The following TMEM183A variants were observed in gnomAD, a reference collection of about 807,000 sequenced individuals.
TMEM183A encodes transmembrane protein 183A.
A neutral mutation model predicts 46.7 loss-of-function variants in TMEM183A; 21 were observed. The observed-to-expected ratio is 0.45, with a 90% CI of 0.32 to 0.65. The LOEUF is 0.65. Ranked by LOEUF, TMEM183A falls within the 30% of genes least tolerant of loss-of-function variation. The probability of loss-of-function intolerance (pLI) is 0.04; values close to 1 mark genes in which losing one functional copy is unlikely to be tolerated. For synonymous variants in TMEM183A, 165 were observed against 180.2 expected, an observed-to-expected ratio of 0.92 and a Z score of 0.68; for missense variants, 331 against 481.9, an observed-to-expected ratio of 0.69 and a Z score of 2.93.
At chr1:203,012,279 G>A (rs1176237164) in intron 3 of TMEM183A, among the ~76,000 whole-genome samples, 23 of 54,058 alleles carry the variant, frequency 4.3e-4, no homozygotes, top group Non-Finnish European at 6.7e-4. Context: ...ACACACACAC[G>A]GTTATTTTGA....
intron 7 of TMEM183A, 59 bp from the exon 8 acceptor site, chr1:203,022,796 T>C (rs1434581057): frequency 6.2e-7 from 1 of 1,609,182 alleles, no homozygotes; most frequent in African/African-American, 1.3e-5. Context: ...CATTTCAGAG[T>C]GAGCTCTTGG....
At chr1:203,017,608 C>A in intron 5 of TMEM183A, 1 of 344,442 alleles carries the variant, frequency 2.9e-6, no homozygotes, top group Non-Finnish European at 4.1e-6. Context: ...ATGGGGCCTG[C>A]AGTGGCAGAT....
At chr1:203,018,924 G>A (rs1657418586) in intron 6 of TMEM183A, among the ~76,000 whole-genome samples, 1 of 152,230 alleles carries the variant, frequency 6.6e-6, no homozygotes, top group African/African-American at 2.4e-5. Flanking sequence ...GGCCTCCCCA[G>A]TAGGTCACCT....
At chr1:203,021,027 CTTTTTTTTTT>C (rs869177251) in intron 7 of TMEM183A, 79 bp downstream of exon 7, 4 of 697,322 alleles carry the variant, frequency 5.7e-6, no homozygotes, top group Non-Finnish European at 5.5e-6. Context: ...AACCGCAGCT[CTTTTTTTTTT>C]TTTTTTTTTT....
chr1:203,018,288 A>G (rs1657354412), intron 5 of TMEM183A, among the ~76,000 whole-genome samples, 193 bp from the exon 6 acceptor site: 1 of 152,068 alleles, frequency 6.6e-6, no homozygotes, highest in Admixed American at 6.5e-5. Flanking sequence ...CAGCCCTGGG[A>G]TTGTCCGTTT....
intron 3 of TMEM183A, among the ~76,000 whole-genome samples, chr1:203,012,235 T>TCTCA (rs370305350): frequency 4.9e-5 from 4 of 80,836 alleles, no homozygotes; most frequent in South Asian, 4.9e-4. Flanking sequence ...CCCCACTCCA[T>TCTCA]CACACACACA....
intron 3 of TMEM183A, among the ~76,000 whole-genome samples, chr1:203,011,699 G>A (rs942887368): frequency 2.6e-5 from 4 of 152,050 alleles, no homozygotes; most frequent in East Asian, 1.9e-4. Flanking sequence ...GTGAGCCACC[G>A]CACCCGGCTA....
chr1:203,007,966 G>A, intron 2 of TMEM183A, 103 bp downstream of exon 2: 1 of 1,420,346 alleles, frequency 7.0e-7, no homozygotes. Flanking sequence ...CTGTAACCGT[G>A]TTTGCTTTCG....
intron 6 of TMEM183A, among the ~76,000 whole-genome samples, chr1:203,020,060 C>T (rs1657522036): frequency 6.6e-6 from 1 of 151,618 alleles, no homozygotes; most frequent in Non-Finnish European, 1.5e-5. Context: ...CTTGTCTCCT[C>T]TACTTAGTAT....
intron 7 of TMEM183A, 92 bp from the exon 8 acceptor site, chr1:203,022,763 G>A: frequency 1.3e-6 from 2 of 1,531,598 alleles, no homozygotes; most frequent in South Asian, 2.3e-5. Flanking sequence ...GGCCTAGCCA[G>A]TATAAATTAG....
chr1:203,013,473 A>T lies in TMEM183A; in HGVS notation c.368-1416A>T, dbSNP rs1656866604. 6.6e-6 allele frequency among the ~76,000 whole-genome samples: 1 copy of T among 152,118 alleles called. No individual in the cohort carries two copies. The highest frequency in any genetic ancestry group is 1.5e-5 in the Non-Finnish European group (1 of 68,022). On this transcript the variant is annotated intron_variant, in intron 3 of 7. Transcript: ENST00000367242. This position sits in a 1 kb window ranked among gnomAD's most constrained non-coding sequence, Gnocchi z 4.0. Reference sequence around the variant, plus strand: ...GAATTAATGCTAATGAGTTCTGGAGAATTAATGCTAATGAGTTCTGAAGAA... The same window carrying T: ...GAATTAATGCTAATGAGTTCTGGAGTATTAATGCTAATGAGTTCTGAAGAA...
intron 5 of TMEM183A, among the ~76,000 whole-genome samples, chr1:203,017,486 G>A (rs909337525): frequency 1.3e-5 from 2 of 152,132 alleles, no homozygotes; most frequent in African/African-American, 4.8e-5. Flanking sequence ...TTTTTTTAAA[G>A]TGGACTGTAA....
rs935607423 is a variant in TMEM183A at position 203,007,679 on chromosome 1, G to T, written c.110-95G>T. 1.4e-5 allele frequency: 21 copies of T among 1,554,918 alleles called. No homozygotes were observed. In the East Asian group the frequency reaches 4.9e-4, roughly 36 times the overall value. Reference sequence around the variant, plus strand: ...CTCGCGTGCCCGCGGCTGGAGGGCGGCTCGGTCCGGGGGCCTGCAGCGAGG... The same window carrying T: ...CTCGCGTGCCCGCGGCTGGAGGGCGTCTCGGTCCGGGGGCCTGCAGCGAGG... On this transcript the variant is annotated intron_variant, in intron 1 of 7. Coordinates refer to ENST00000367242, the MANE Select transcript of TMEM183A (RefSeq NM_138391.6).
chr1:203,008,977 C>G (rs1210577436), intron 3 of TMEM183A, among the ~76,000 whole-genome samples, 167 bp downstream of exon 3: 3 of 152,098 alleles, frequency 2.0e-5, no homozygotes, highest in Non-Finnish European at 4.4e-5. Flanking sequence ...ATTTAATACA[C>G]CTGGGCTTTC....
At position 203,007,796 on chromosome 1, in the gene TMEM183A, C is replaced by T. The variant is rs551330258; in HGVS notation, c.132C>T (p.Asn44=). ...CAGTGACCGTGGCGGATTACGCCAA[C>T]TCGGATCCGGCGGTCGTGAGGTCTG... ...SGRVTVADYA[N]SDPAVVRSGR... The change falls in exon 2 of 8, where the codon AAC becomes AAT. Residue 44 remains asparagine, a synonymous_variant. Transcript: ENST00000367242. 298 of 1,613,984 alleles carry T rather than the reference C, an allele frequency of 1.8e-4. 4 individuals carry two copies. The South Asian group carries it at 2.9e-3, about 16-fold the overall frequency.
At chr1:203,017,616 G>C (rs1657289675) in intron 5 of TMEM183A, 1 of 424,880 alleles carries the variant, frequency 2.4e-6, no homozygotes, top group Non-Finnish European at 3.2e-6. Context: ...TGCAGTGGCA[G>C]ATATCCCGTG....
rs1259318122 is a variant in TMEM183A at position 203,022,842 on chromosome 1, T to C, written c.946-13T>C. 1 of 1,613,878 alleles carries C rather than the reference T, an allele frequency of 6.2e-7. No homozygotes were observed. The highest frequency in any genetic ancestry group is 1.3e-5 in the African/African-American group (1 of 74,936). On this transcript the variant is annotated splice_polypyrimidine_tract_variant and intron_variant, in intron 7 of 7. Coordinates refer to ENST00000367242, the MANE Select transcript of TMEM183A (RefSeq NM_138391.6). ...TGTGTAAGTTGGATACTGAATTTGC[T>C]TTTCCATTTCAGTTTACTATCAATG... is the stretch of plus-strand genomic sequence containing the variant.
chr1:203,008,698 T>C lies in TMEM183A; in HGVS notation c.255T>C (p.Ser85=), dbSNP rs1368798769. 1.2e-5 allele frequency: 20 copies of C among 1,605,198 alleles called. No individual in the cohort carries two copies. Among genetic ancestry groups the C allele is most frequent in the Non-Finnish European group, 1.6e-5 (19 of 1,176,002 alleles). The change falls in exon 3 of 8, where the codon TCT becomes TCC. Residue 85 remains serine, a synonymous_variant. Transcript: ENST00000367242. The stretch of plus-strand genomic sequence containing the variant: ...AGGTTCCTGCAGAGGAAGCTCTTTC[T>C]GGGGCTGGTGAGCCCTGTGACATCA... The part of the protein sequence containing the change: ...ASQVPAEEAL[S]GAGEPCDIID...
intron 2 of TMEM183A, among the ~76,000 whole-genome samples, chr1:203,008,397 T>C (rs1208460767): frequency 1.3e-5 from 2 of 151,940 alleles, no homozygotes; most frequent in Non-Finnish European, 2.9e-5. Flanking sequence ...CCTTTTTTCT[T>C]CAGGGCTGAA....
Sources: allele counts gnomAD v4.1 joint callset (sites outside exome capture counted in the v4.1 genomes callset), GRCh38; gene constraint gnomAD v4.1.1; non-coding constraint Gnocchi (gnomAD v3.1); transcripts MANE v1.5; gene names NCBI Gene and HGNC (gene_info 2026-07-23, HGNC 2026-07-21).